CELSR1: variants seen among roughly 807,000 people sequenced by gnomAD.
CELSR1 encodes the protein cadherin EGF LAG seven-pass G-type receptor 1.
A neutral mutation model predicts 249.1 loss-of-function variants in CELSR1; 110 were observed. The observed-to-expected ratio is 0.44, with a 90% CI of 0.38 to 0.52. The LOEUF (loss-of-function observed/expected upper bound fraction) is 0.52, where lower values mean the gene tolerates loss of function less well. CELSR1 is among the 20% of genes least tolerant of loss of function. The pLI, the probability that CELSR1 is intolerant of heterozygous loss-of-function variation, is 0.00. For missense variants in CELSR1, 4,109 were observed against 4,296.4 expected, an observed-to-expected ratio of 0.96 and a Z score of 1.22; for synonymous variants, 2,113 against 1,900.0, an observed-to-expected ratio of 1.11 and a Z score of -2.92.
rs4823821 is a variant in CELSR1 at position 46,468,146 on chromosome 22, G to A, written c.3545-3801C>T. ...CTTACACCTGTAATCACAGCACTTTGGGAGGCCGAGGTGGGTGGATCACGA... is the reference window on the plus strand; with the variant it reads ...CTTACACCTGTAATCACAGCACTTTAGGAGGCCGAGGTGGGTGGATCACGA... On this transcript the variant is annotated intron_variant, in intron 1 of 34. Transcript: ENST00000674500. This position sits in a 1 kb window ranked among gnomAD's most constrained non-coding sequence, Gnocchi z 4.5. Among the ~76,000 whole-genome samples, 69,532 of 151,668 alleles carry A rather than the reference G, an allele frequency of 0.46. 16,072 individuals carry two copies. Among genetic ancestry groups the A allele is most frequent in the South Asian group, 0.53 (2,559 of 4,806 alleles).
In CELSR1 at chr22:46,389,395, G is replaced by A; in HGVS notation, c.6450C>T (p.Gly2150=). The A allele has an allele frequency of 6.2e-7, 1 of 1,611,964 alleles. No homozygotes were observed. Among genetic ancestry groups the A allele is most frequent in the Non-Finnish European group, 8.5e-7 (1 of 1,179,916 alleles). The change falls in exon 18 of 35, where the codon GGC becomes GGT. Residue 2150 remains glycine (G), a synonymous_variant. Coordinates refer to ENST00000674500, the MANE Select transcript of CELSR1 (RefSeq NM_001378328.1). ...SATQHTGTLF[G]NDVRTAYQLL... ...GCTGGTAGGCCGTGCGCACGTCATT[G>A]CCAAAGAGCGTGCCCGTGTGCTGTG...
chr22:46,489,621 G>T (rs376192626), intron 1 of CELSR1, among the ~76,000 whole-genome samples: 19 of 152,194 alleles, frequency 1.2e-4, no homozygotes, highest in East Asian at 3.9e-4. Context: ...CCAGGAAAAC[G>T]CCCATCTTTG....
At chr22:46,460,184 CA>C (rs1163626848) in intron 2 of CELSR1, among the ~76,000 whole-genome samples, 1 of 77,410 alleles carries the variant, frequency 1.3e-5, no homozygotes, top group Non-Finnish European at 2.7e-5. Flanking sequence ...TCAAAACACA[CA>C]CACACACACA....
Position 46,390,384 on chromosome 22 carries a change from G to A in CELSR1, c.6345+8C>T, listed in dbSNP as rs117280800. 7.3e-4 allele frequency: 1,174 copies of A among 1,608,362 alleles called. 12 individuals carry two copies. The East Asian group carries it at 0.022, about 30-fold the overall frequency. On this transcript the variant is annotated splice_region_variant and intron_variant, in intron 17 of 34. Transcript: ENST00000674500. This position sits in a 1 kb window ranked among gnomAD's most constrained non-coding sequence, Gnocchi z 6.3. ...CCTGCTGAACACACATCCCCGAGGC[G>A]CCCCTACCATGGCCCTGAGGTCCAC...
intron 1 of CELSR1, among the ~76,000 whole-genome samples, chr22:46,522,115 G>GTTA (rs1013092605): frequency 1.3e-5 from 2 of 152,144 alleles, no homozygotes; most frequent in Non-Finnish European, 2.9e-5. Flanking sequence ...CTGGCAAACA[G>GTTA]TTATTGCCCT....
Position 46,399,698 on chromosome 22 carries a change from G to A in CELSR1, c.5412+19C>T. 6.2e-7 allele frequency: 1 copy of A among 1,612,632 alleles called. No homozygotes were observed. The highest frequency in any genetic ancestry group is 8.5e-7 in the Non-Finnish European group (1 of 1,178,704). ...GGAGGAAGGGTCTATCCCCAGAGGAGGTGCAGGTGCCAGCTCACCTGGTCC... is the reference window on the plus strand; with the variant it reads ...GGAGGAAGGGTCTATCCCCAGAGGAAGTGCAGGTGCCAGCTCACCTGGTCC... On this transcript the variant is annotated intron_variant, in intron 10 of 34. Transcript: ENST00000674500. This position sits in a 1 kb window ranked among gnomAD's most constrained non-coding sequence, Gnocchi z 5.0.
Position 46,393,752 on chromosome 22 carries a change from A to AG in CELSR1, c.5964+389_5964+390insC, listed in dbSNP as rs1217834217. Reference sequence around the variant, plus strand: ...GACTCTGTCTCAAAAAAAAAAAAAAAAAGACCAGGAAAATGGCCAACCAGG... The same window carrying AG: ...GACTCTGTCTCAAAAAAAAAAAAAAAGAAGACCAGGAAAATGGCCAACCAGG... On this transcript the variant is annotated intron_variant, in intron 14 of 34. Coordinates refer to ENST00000674500, the MANE Select transcript of CELSR1 (RefSeq NM_001378328.1). This position sits in a 1 kb window ranked among gnomAD's most constrained non-coding sequence, Gnocchi z 4.1. 6.6e-6 allele frequency among the ~76,000 whole-genome samples: 1 copy of AG among 151,948 alleles called. No homozygotes were observed. Among genetic ancestry groups the AG allele is most frequent in the Non-Finnish European group, 1.5e-5 (1 of 67,964 alleles).
rs1022380655 is a variant in CELSR1 at position 46,490,801 on chromosome 22, C to T, written c.3545-26456G>A. ...GCTCTTGTGAACAACCACCCACCAT[C>T]GAGCACCCAGCTGGCCTGGGGCTGC... On this transcript the variant is annotated intron_variant, in intron 1 of 34. Coordinates refer to ENST00000674500, the MANE Select transcript of CELSR1 (RefSeq NM_001378328.1). The surrounding 1 kb of genome is among the most constrained non-coding windows in gnomAD (Gnocchi z 5.2). 3.3e-5 allele frequency among the ~76,000 whole-genome samples: 5 copies of T among 152,150 alleles called. No homozygotes were observed. Among genetic ancestry groups the T allele is most frequent in the Non-Finnish European group, 5.9e-5 (4 of 68,032 alleles).
intron 24 of CELSR1, 111 bp downstream of exon 24, chr22:46,376,950 G>A: frequency 1.9e-6 from 2 of 1,042,644 alleles, no homozygotes; most frequent in Non-Finnish European, 1.4e-6. Flanking sequence ...AAGCAGAGGT[G>A]GGGGTGGTGA....
rs770443152 is a variant in CELSR1 at position 46,464,332 on chromosome 22, G to T, written c.3558C>A (p.Ser1186Arg). 1 of 1,609,664 alleles carries T rather than the reference G, an allele frequency of 6.2e-7. No homozygotes were observed. The highest frequency in any genetic ancestry group is 8.5e-7 in the Non-Finnish European group (1 of 1,177,840). The change falls in exon 2 of 35, where the codon AGC becomes AGA. Residue 1186 changes from serine (S) to arginine (R), a missense_variant. Coordinates refer to ENST00000674500, the MANE Select transcript of CELSR1 (RefSeq NM_001378328.1). The surrounding 1 kb of genome is among the most constrained non-coding windows in gnomAD (Gnocchi z 8.5). The part of the protein sequence containing the change: ...MEVSVSDGIH[S>R]VTAFCTLRVT... ...CACGCAGGGTGCAGAAGGCCGTGACGCTGTGGATGCCATCTGCAGACACAA... is the reference window on the plus strand; with the variant it reads ...CACGCAGGGTGCAGAAGGCCGTGACTCTGTGGATGCCATCTGCAGACACAA...
chr22:46,523,394 T>C (rs951669477), intron 1 of CELSR1, among the ~76,000 whole-genome samples: 11 of 151,892 alleles, frequency 7.2e-5, no homozygotes, highest in African/African-American at 2.7e-4. Context: ...CTGGGTGTGG[T>C]AGCGGGCACC....
Position 46,408,995 on chromosome 22 carries a change from C to T in CELSR1, c.5226+1G>A. The T allele has an allele frequency of 6.2e-7, 1 of 1,604,370 alleles. No homozygotes were observed. On this transcript the variant is annotated splice_donor_variant, in intron 9 of 34. Coordinates refer to ENST00000674500, the MANE Select transcript of CELSR1 (RefSeq NM_001378328.1). LOFTEE classifies it high-confidence loss of function. The surrounding 1 kb of genome is among the most constrained non-coding windows in gnomAD (Gnocchi z 4.6). ...CCTTGGTGGCACGGGGCCCCAGTCACCTGGAGGCGAAAGCTGGTGGGCCCA... is the reference window on the plus strand; with the variant it reads ...CCTTGGTGGCACGGGGCCCCAGTCATCTGGAGGCGAAAGCTGGTGGGCCCA...
chr22:46,418,916 TG>T (rs1444419521), intron 5 of CELSR1, among the ~76,000 whole-genome samples: 1 of 152,238 alleles, frequency 6.6e-6, no homozygotes, highest in African/African-American at 2.4e-5. Context: ...ACAGTACATT[TG>T]GAAACACAAG....
rs969275292 is a variant in CELSR1 at position 46,366,298 on chromosome 22, T to C, written c.8300+88A>G. ...GTTGGGGGTGGAAGGTGATGTTGGT[T>C]GAATGGCAGGACACAGGTTGGGGTG... On this transcript the variant is annotated intron_variant, in intron 30 of 34. Coordinates refer to ENST00000674500, the MANE Select transcript of CELSR1 (RefSeq NM_001378328.1). 27 of 693,870 alleles carry C rather than the reference T, an allele frequency of 3.9e-5. No individual in the cohort carries two copies. In the African/African-American group the frequency reaches 5.8e-4, roughly 15 times the overall value. 43.0% of individuals were successfully genotyped at this position (693,870 alleles called of 1,614,324 possible).
rs1304186952 is a variant in CELSR1, at chr22:46,527,332, CTGGGACATGGGACCCAGCTCT to C, written c.3544+6274_3544+6294del. 6.6e-6 allele frequency among the ~76,000 whole-genome samples: 1 copy of C among 152,202 alleles called. No individual in the cohort carries two copies. The highest frequency in any genetic ancestry group is 1.5e-5 in the Non-Finnish European group (1 of 68,034). ...CCCCTCCACTCTCACCGCCCAGCAG[CTGGGACATGGGACCCAGCTCT>C]TGCCTAAATCCTCCCGAGGGGGCCC... On this transcript the variant is annotated intron_variant, in intron 1 of 34. Coordinates refer to ENST00000674500, the MANE Select transcript of CELSR1 (RefSeq NM_001378328.1). This position sits in a 1 kb window ranked among gnomAD's most constrained non-coding sequence, Gnocchi z 5.5.
intron 1 of CELSR1, among the ~76,000 whole-genome samples, chr22:46,465,914 C>A (rs1365198485): frequency 6.6e-6 from 1 of 152,246 alleles, no homozygotes; most frequent in Non-Finnish European, 1.5e-5. Flanking sequence ...TCGGGTCATG[C>A]CCTGGGTGCT....
Position 46,411,344 on chromosome 22 carries a change from C to T in CELSR1, c.4769+258G>A, listed in dbSNP as rs138906326. 6.6e-6 allele frequency among the ~76,000 whole-genome samples: 1 copy of T among 152,200 alleles called. No homozygotes were observed. Among genetic ancestry groups the T allele is most frequent in the Non-Finnish European group, 1.5e-5 (1 of 68,038 alleles). Reference sequence around the variant, plus strand: ...GATCCGTGGAGATGGGGCTGGAGACCGTCTCGGGGTCTGCAAGCTGGCCAT... The same window carrying T: ...GATCCGTGGAGATGGGGCTGGAGACTGTCTCGGGGTCTGCAAGCTGGCCAT... On this transcript the variant is annotated intron_variant, in intron 6 of 34. Transcript: ENST00000674500. This position sits in a 1 kb window ranked among gnomAD's most constrained non-coding sequence, Gnocchi z 4.2.
At position 46,446,307 on chromosome 22, in the gene CELSR1, C is replaced by T. The variant is rs1281404863; in HGVS notation, c.4184-6896G>A. ...GGCCACCCGCATCCCCTGGCTGTAC[C>T]TGTCCTCTGCCTCGAGCACTCTCCC... On this transcript the variant is annotated intron_variant, in intron 2 of 34. Transcript: ENST00000674500. The surrounding 1 kb of genome is among the most constrained non-coding windows in gnomAD (Gnocchi z 5.5). Among the ~76,000 whole-genome samples the T allele has an allele frequency of 1.3e-5, 2 of 152,234 alleles. No homozygotes were observed. The highest frequency in any genetic ancestry group is 2.9e-5 in the Non-Finnish European group (2 of 68,048).
intron 5 of CELSR1, among the ~76,000 whole-genome samples, chr22:46,415,749 T>C (rs1261942460): frequency 6.6e-6 from 1 of 152,202 alleles, no homozygotes; most frequent in Non-Finnish European, 1.5e-5. Flanking sequence ...AATGCATTAT[T>C]TGGCCTTCCT....
Sources: gnomAD v4.1 joint callset for allele counts (sites outside exome capture counted in the v4.1 genomes callset) on GRCh38, gnomAD v4.1.1 for gene constraint, Gnocchi (gnomAD v3.1) non-coding constraint, MANE v1.5 for transcripts, NCBI Gene and HGNC (gene_info 2026-07-23, HGNC 2026-07-21) for gene names.